The following MACF1 variants were observed in gnomAD, a reference collection of about 807,000 sequenced individuals.
MACF1 encodes the protein microtubule actin crosslinking factor 1, also known as microtubule-actin cross-linking factor 1.
Under a neutral mutation model 854.8 loss-of-function variants are expected in MACF1, and 193 were observed. That is an observed-to-expected ratio of 0.23 (90% CI 0.20 to 0.25). The LOEUF (loss-of-function observed/expected upper bound fraction) is 0.25. Among genes scored for constraint, MACF1 ranks in the 10% least tolerant of loss-of-function variants. MACF1 has a pLI of 1.00. For synonymous variants in MACF1, 3,185 were observed against 3,226.7 expected (o/e 0.99, Z 0.44); for missense variants, 7,722 against 8,929.1 (o/e 0.86, Z 5.45).
chr1:39,382,096 C>T lies in MACF1; in HGVS notation c.13792C>T (p.Leu4598=). The T allele has an allele frequency of 1.9e-6, 3 of 1,614,124 alleles. No individual in the cohort carries two copies. Among genetic ancestry groups the T allele is most frequent in the Non-Finnish European group, 2.5e-6 (3 of 1,180,020 alleles). Residue 4598 remains leucine, a synonymous_variant, in exon 56 of 101, where the codon CTG becomes TTG. Coordinates refer to ENST00000564288, the MANE Select transcript of MACF1 (RefSeq NM_001394062.1). ...LMEKELMMGV[L]GPLSIDPNML... ...GGAGAAAGAACTGATGATGGGAGTGCTGGGGCCCCTGTCTATTGACCCCAA... is the reference window on the plus strand; with the variant it reads ...GGAGAAAGAACTGATGATGGGAGTGTTGGGGCCCCTGTCTATTGACCCCAA...
At chr1:39,156,023 G>A (rs1643677077) in intron 2 of MACF1, among the ~76,000 whole-genome samples, 1 of 152,162 alleles carries the variant, frequency 6.6e-6, no homozygotes, top group Non-Finnish European at 1.5e-5. Flanking sequence ...AAGTATCTGG[G>A]ACTACAGGCG....
In MACF1 at chr1:39,295,753, C is replaced by CA. The variant is rs1334372873; in HGVS notation, c.2260-32dup. On this transcript the variant is annotated intron_variant, in intron 19 of 100. Transcript: ENST00000564288. ...GCATATATATTGAGTCTGTTAAACT[C>CA]AAGCCCTTCTGTCTGTGTGCTTGTT... 2.0e-6 allele frequency: 3 copies of CA among 1,528,342 alleles called. No homozygotes were observed. In the Admixed American group the frequency reaches 5.3e-5, roughly 27 times the overall value. The allele number at this position is 1,528,342 out of a possible 1,614,324, so 94.7% of individuals were successfully genotyped here.
At position 39,285,190 on chromosome 1, in the gene MACF1, A is replaced by T; in HGVS notation, c.1239A>T (p.Ser413=). 6.2e-7 allele frequency: 1 copy of T among 1,614,208 alleles called. No homozygotes were observed. Among genetic ancestry groups the T allele is most frequent in the Non-Finnish European group, 8.5e-7 (1 of 1,180,048 alleles). Reference sequence around the variant, plus strand: ...TAGAGATGCTGGAACGAGAGAAATCACTTCGGCCGGCTGTGGAGAGGTGGG... The same window carrying T: ...TAGAGATGCTGGAACGAGAGAAATCTCTTCGGCCGGCTGTGGAGAGGTGGG... ...LIIEMLEREK[S]LRPAVERLEL... is the part of the protein sequence containing the mutation. The change falls in exon 12 of 101, where the codon TCA becomes TCT. Residue 413 remains serine, a synonymous_variant. Transcript: ENST00000564288.
At chr1:39,137,850 G>T (rs1298752987) in intron 2 of MACF1, among the ~76,000 whole-genome samples, 1 of 152,016 alleles carries the variant, frequency 6.6e-6, no homozygotes, top group African/African-American at 2.4e-5. Context: ...GAGGCAGGTG[G>T]ATCACCTGAG....
chr1:39,309,548 T>A (rs1167161826), intron 23 of MACF1, 22 bp from the exon 24 acceptor site: 1 of 1,613,596 alleles, frequency 6.2e-7, no homozygotes, highest in African/African-American at 1.3e-5. Flanking sequence ...AAGGTAATAG[T>A]CAGGTTCTGT....
chr1:39,112,791 C>G (rs549462155), intron 2 of MACF1, among the ~76,000 whole-genome samples: 3 of 152,266 alleles, frequency 2.0e-5, no homozygotes, highest in Admixed American at 6.5e-5. Context: ...AAACTTAATT[C>G]CCTGTACCTG....
At chr1:39,192,055 G>A (rs941770908) in intron 2 of MACF1, among the ~76,000 whole-genome samples, 2 of 152,116 alleles carry the variant, frequency 1.3e-5, no homozygotes, top group African/African-American at 4.8e-5. Flanking sequence ...GGAGACTGAG[G>A]CACAAGAATT....
At chr1:39,289,670 TTTCTCCC>T (rs1645729304) in intron 15 of MACF1, among the ~76,000 whole-genome samples, 1 of 147,422 alleles carries the variant, frequency 6.8e-6, no homozygotes, top group African/African-American at 2.5e-5. Context: ...TTGCAAACAT[TTTCTCCC>T]ATTCTGTGGG....
intron 22 of MACF1, 29 bp from the exon 23 acceptor site, chr1:39,302,895 A>G: frequency 6.2e-7 from 1 of 1,600,672 alleles, no homozygotes; most frequent in East Asian, 2.2e-5. Context: ...TTTATCCATT[A>G]GCAATCACTG....
At chr1:39,361,290 T>G in intron 48 of MACF1, 70 bp from the exon 49 acceptor site, 1 of 1,444,880 alleles carries the variant, frequency 6.9e-7, no homozygotes, top group Non-Finnish European at 9.6e-7. Context: ...TAGCATATAG[T>G]TATTAGTTTG....
chr1:39,385,600 A>T lies in MACF1; in HGVS notation c.14015A>T (p.Asn4672Ile). ...QKWVELTDKL[N>I]SRSSQIDQAI... The stretch of plus-strand genomic sequence containing the variant: ...TGGGTTGAGCTGACTGACAAACTCA[A>T]CTCCCGTTCCAGCCAAATTGACCAA... Residue 4672 changes from asparagine to isoleucine, a missense_variant, in exon 57 of 101, where the codon AAC (asparagine) becomes ATC (isoleucine). Coordinates refer to ENST00000564288, the MANE Select transcript of MACF1 (RefSeq NM_001394062.1). The T allele has an allele frequency of 6.2e-7, 1 of 1,613,770 alleles. No homozygotes were observed. Among genetic ancestry groups the T allele is most frequent in the Admixed American group, 1.7e-5 (1 of 59,960 alleles).
At chr1:39,315,395 C>A in intron 26 of MACF1, 118 bp from the exon 27 acceptor site, 2 of 769,528 alleles carry the variant, frequency 2.6e-6, no homozygotes, top group Non-Finnish European at 2.1e-6. Context: ...ATTCAACCAG[C>A]CTCCTATATA....
chr1:39,253,738 A>G (rs1645067858), intron 4 of MACF1, among the ~76,000 whole-genome samples: 1 of 151,786 alleles, frequency 6.6e-6, no homozygotes, highest in Non-Finnish European at 1.5e-5. Context: ...GTTGTCTCTA[A>G]CTCCTGGGCT....
At chr1:39,459,646 T>G (rs566708061) in intron 91 of MACF1, among the ~76,000 whole-genome samples, 1 of 152,316 alleles carries the variant, frequency 6.6e-6, no homozygotes, top group South Asian at 2.1e-4. Flanking sequence ...GCTACAGAAT[T>G]ATGAAATAGG....
At position 39,434,500 on chromosome 1, in the gene MACF1, C is replaced by G; in HGVS notation, c.17652C>G (p.Val5884=). 1 of 1,613,142 alleles carries G rather than the reference C, an allele frequency of 6.2e-7. No homozygotes were observed. The highest frequency in any genetic ancestry group is 8.5e-7 in the Non-Finnish European group (1 of 1,179,918). ...ERYARLERAQ[V]LVNQFWETYE... is the part of the protein sequence containing the mutation. ...ATGCCCGCCTAGAGCGGGCCCAGGT[C>G]TTAGTAAACCAGTTTTGGGAAACTT... is the stretch of plus-strand genomic sequence containing the variant. The change falls in exon 69 of 101, where the codon GTC becomes GTG. Residue 5884 remains valine (V), a synonymous_variant. Coordinates refer to ENST00000564288, the MANE Select transcript of MACF1 (RefSeq NM_001394062.1).
chr1:39,406,751 A>C (rs1329543455), intron 58 of MACF1, among the ~76,000 whole-genome samples: 2 of 150,846 alleles, frequency 1.3e-5, no homozygotes. Context: ...AAAAAAAAAA[A>C]AAAAAAACAT....
At chr1:39,156,062 T>C (rs1643678606) in intron 2 of MACF1, among the ~76,000 whole-genome samples, 1 of 152,174 alleles carries the variant, frequency 6.6e-6, no homozygotes, top group Non-Finnish European at 1.5e-5. Flanking sequence ...TAATTTTTTG[T>C]ATTTTTAGTA....
intron 53 of MACF1, among the ~76,000 whole-genome samples, chr1:39,378,969 A>G (rs2148552711): frequency 6.6e-6 from 1 of 152,288 alleles, no homozygotes; most frequent in South Asian, 2.1e-4. Flanking sequence ...TGTTGTTCCC[A>G]TGTTTAGCAT....
Position 39,460,593 on chromosome 1 carries a change from A to C in MACF1, c.21361-39A>C, listed in dbSNP as rs572820886. Reference sequence around the variant, plus strand: ...TGCTCTGGGCAGCTTTTGAGGGCCCAAAAAATAAATCTTATTGACACTTCT... The same window carrying C: ...TGCTCTGGGCAGCTTTTGAGGGCCCCAAAAATAAATCTTATTGACACTTCT... On this transcript the variant is annotated intron_variant, in intron 91 of 100. Transcript: ENST00000564288. This position sits in a 1 kb window ranked among gnomAD's most constrained non-coding sequence, Gnocchi z 4.1. 6.1e-4 allele frequency: 986 copies of C among 1,607,486 alleles called. 8 individuals carry two copies. In the South Asian group the frequency reaches 8.5e-3, roughly 14 times the overall value.
Sources: allele counts gnomAD v4.1 joint callset (sites outside exome capture counted in the v4.1 genomes callset), GRCh38; gene constraint gnomAD v4.1.1; non-coding constraint Gnocchi (gnomAD v3.1); transcripts MANE v1.5; gene names NCBI Gene and HGNC (gene_info 2026-07-23, HGNC 2026-07-21).